The following RAB5A variants were observed in gnomAD, a reference collection of about 807,000 sequenced individuals.
RAB5A encodes the protein RAB5A, member RAS oncogene family.
A neutral mutation model predicts 25.7 loss-of-function variants in RAB5A; 8 were observed. The observed-to-expected ratio is 0.31, with a 90% CI of 0.18 to 0.56. The LOEUF (loss-of-function observed/expected upper bound fraction) is 0.56. RAB5A is among the 20% of genes least tolerant of loss of function. The pLI, the probability that RAB5A is intolerant of heterozygous loss-of-function variation, is 0.91. For missense variants in RAB5A, 192 were observed against 259.7 expected (o/e 0.74, Z 1.79); for synonymous variants, 98 against 89.8 (o/e 1.09, Z -0.52).
intron 2 of RAB5A, among the ~76,000 whole-genome samples, chr3:19,960,717 T>G (rs1482335725): frequency 6.6e-6 from 1 of 152,220 alleles, no homozygotes; most frequent in Non-Finnish European, 1.5e-5. Flanking sequence ...TGTTGGACTT[T>G]GAAAATAAGA....
rs753731517 is a variant in RAB5A, at chr3:19,983,802, G to A, written c.627G>A (p.Arg209=). 6.8e-6 allele frequency: 11 copies of A among 1,607,410 alleles called. No homozygotes were observed. The highest frequency in any genetic ancestry group is 9.4e-6 in the Non-Finnish European group (11 of 1,174,752). The change falls in exon 6 of 6, where the codon AGG becomes AGA. Residue 209 remains arginine (R), a synonymous_variant. Coordinates refer to ENST00000273047, the MANE Select transcript of RAB5A (RefSeq NM_004162.5). ...VDLTEPTQPT[R]NQCCSN Reference sequence around the variant, plus strand: ...TTACCGAACCCACACAACCAACCAGGAATCAGTGTTGTAGTAACTAAACCT... The same window carrying A: ...TTACCGAACCCACACAACCAACCAGAAATCAGTGTTGTAGTAACTAAACCT...
intron 1 of RAB5A, among the ~76,000 whole-genome samples, chr3:19,948,270 T>C (rs930270643): frequency 1.3e-5 from 2 of 152,228 alleles, no homozygotes; most frequent in African/African-American, 4.8e-5. Context: ...GTTTTTGTCT[T>C]GCTTAAATGG....
chr3:19,972,022 A>C (rs1212064128), intron 2 of RAB5A, among the ~76,000 whole-genome samples: 1 of 152,156 alleles, frequency 6.6e-6, no homozygotes, highest in South Asian at 2.1e-4. Context: ...GAGAGGAGCT[A>C]CTACAAGTTG....
Position 19,951,076 on chromosome 3 carries a change from T to C in RAB5A, c.163+15T>C, listed in dbSNP as rs951397737. 1 of 1,608,848 alleles carries C rather than the reference T, an allele frequency of 6.2e-7. No homozygotes were observed. ...TACCATTGGGGGTGAGATTTTCTTT[T>C]TTCCCTGCTTCATTTAATCGAATCA... is the stretch of plus-strand genomic sequence containing the variant. On this transcript the variant is annotated intron_variant, in intron 2 of 5. Transcript: ENST00000273047.
intron 2 of RAB5A, among the ~76,000 whole-genome samples, chr3:19,953,154 G>A (rs1017259848): frequency 3.9e-5 from 6 of 152,094 alleles, no homozygotes; most frequent in African/African-American, 1.4e-4. Flanking sequence ...TTTTTATCTT[G>A]TTTTGGATAA....
chr3:19,947,310 G>T lies in RAB5A; in HGVS notation c.-305G>T. 1 of 195,150 alleles carries T rather than the reference G, an allele frequency of 5.1e-6. No homozygotes were observed. The highest frequency in any genetic ancestry group is 8.4e-5 in the South Asian group (1 of 11,840). The allele number at this position is 195,150 out of a possible 1,614,324, so 12.1% of individuals were successfully genotyped here. Reference sequence around the variant, plus strand: ...CGGAGGAGGAGAAAGGAAAGAGGAAGGGGGAGCGGCGAGAGGCGGAGACGG... The same window carrying T: ...CGGAGGAGGAGAAAGGAAAGAGGAATGGGGAGCGGCGAGAGGCGGAGACGG... On this transcript the variant is annotated 5_prime_UTR_variant, in exon 1 of 6. The change creates a new upstream start codon in the 5' untranslated region. Transcript: ENST00000273047.
intron 2 of RAB5A, among the ~76,000 whole-genome samples, chr3:19,952,449 A>C (rs1287460647): frequency 6.6e-6 from 1 of 152,260 alleles, no homozygotes; most frequent in Non-Finnish European, 1.5e-5. Flanking sequence ...ACCAACTGGC[A>C]TGTGGCAACT....
At chr3:19,953,513 T>G (rs545100101) in intron 2 of RAB5A, among the ~76,000 whole-genome samples, 23 of 150,860 alleles carry the variant, frequency 1.5e-4, no homozygotes, top group African/African-American at 5.1e-4. Context: ...GATCAAGCAA[T>G]TCTCATGCCT....
intron 2 of RAB5A, among the ~76,000 whole-genome samples, chr3:19,969,164 C>A (rs987296306): frequency 1.3e-5 from 2 of 151,332 alleles, no homozygotes; most frequent in African/African-American, 4.8e-5. Flanking sequence ...CCTGCCTCAG[C>A]CTCCCAAGTA....
At chr3:19,950,218 A>G (rs745922499) in intron 1 of RAB5A, among the ~76,000 whole-genome samples, 1 of 152,226 alleles carries the variant, frequency 6.6e-6, no homozygotes, top group Non-Finnish European at 1.5e-5. Context: ...TTAGGCACAC[A>G]AACCTGGGAG....
intron 5 of RAB5A, chr3:19,978,604 A>T (rs1202436566): frequency 4.1e-6 from 2 of 488,860 alleles, no homozygotes; most frequent in Non-Finnish European, 3.7e-6. Context: ...AATATTGTTA[A>T]ATTTGAAAGA....
rs778817851 is a variant in RAB5A, at chr3:19,976,088, G to A, written c.357G>A (p.Gln119=). Residue 119 remains glutamine (Q), a synonymous_variant, in exon 4 of 6, where the codon CAG becomes CAA. Coordinates refer to ENST00000273047, the MANE Select transcript of RAB5A (RefSeq NM_004162.5). The part of the protein sequence containing the change: ...ARAKNWVKEL[Q]RQASPNIVIA... ...CAAAAAATTGGGTTAAAGAACTTCA[G>A]AGGCAAGCAAGTCCTAACATTGTAA... is the stretch of plus-strand genomic sequence containing the variant. The A allele has an allele frequency of 3.7e-6, 6 of 1,613,272 alleles. No homozygotes were observed. In the South Asian group the frequency reaches 6.6e-5, roughly 18 times the overall value.
At chr3:19,973,309 G>GT (rs1307098230) in intron 2 of RAB5A, among the ~76,000 whole-genome samples, 1 of 150,876 alleles carries the variant, frequency 6.6e-6, no homozygotes, top group East Asian at 2.0e-4. Context: ...ATAAGTGAAT[G>GT]TTTTTAGTAC....
chr3:19,979,255 G>A (rs185350625), intron 5 of RAB5A, among the ~76,000 whole-genome samples: 10 of 150,676 alleles, frequency 6.6e-5, no homozygotes, highest in Admixed American at 4.0e-4. Flanking sequence ...GATTACAGGC[G>A]TGAGCCACTA....
intron 2 of RAB5A, among the ~76,000 whole-genome samples, chr3:19,952,891 A>G (rs1211611603): frequency 6.6e-6 from 1 of 152,132 alleles, no homozygotes; most frequent in Non-Finnish European, 1.5e-5. Flanking sequence ...GGTCAAAGCT[A>G]ACTGTCCCAT....
rs1696710810 is a variant in RAB5A, at chr3:19,969,291, G to A, written c.164-6310G>A. ...ACTCCTGAACTCAAGTGATCCACCT[G>A]CCTCGGCCTCCTAAAGTGCTGGGAT... On this transcript the variant is annotated intron_variant, in intron 2 of 5. Transcript: ENST00000273047. Among the ~76,000 whole-genome samples, 4 of 151,998 alleles carry A rather than the reference G, an allele frequency of 2.6e-5. 1 individual carries two copies. In the South Asian group the frequency reaches 8.3e-4, roughly 31 times the overall value.
At chr3:19,950,239 TTTG>T (rs1696403862) in intron 1 of RAB5A, among the ~76,000 whole-genome samples, 1 of 152,214 alleles carries the variant, frequency 6.6e-6, no homozygotes, top group African/African-American at 2.4e-5. Context: ...ACTGAAAATA[TTTG>T]TTGTCCAAAA....
At chr3:19,977,428 G>A (rs1187280907) in intron 4 of RAB5A, among the ~76,000 whole-genome samples, 1 of 152,216 alleles carries the variant, frequency 6.6e-6, no homozygotes, top group Admixed American at 6.5e-5. Flanking sequence ...TTCTCTACTA[G>A]AAGGGCGGTT....
intron 2 of RAB5A, among the ~76,000 whole-genome samples, chr3:19,960,300 C>G (rs1696566549): frequency 1.3e-5 from 2 of 152,034 alleles, no homozygotes; most frequent in Admixed American, 1.3e-4. Context: ...AATAAGAGTA[C>G]TTCTAAAGGT....
Sources: gnomAD v4.1 joint callset for allele counts (sites outside exome capture counted in the v4.1 genomes callset) on GRCh38, gnomAD v4.1.1 for gene constraint, MANE v1.5 for transcripts, NCBI Gene and HGNC (gene_info 2026-07-23, HGNC 2026-07-21) for gene names.